Variants in SULF1 observed in about 807,000 individuals in gnomAD.
SULF1 encodes the protein extracellular sulfatase Sulf-1.
A neutral mutation model predicts 110.5 loss-of-function variants in SULF1; 46 were observed. The ratio of observed to expected loss-of-function variants is 0.42; its 90% CI spans 0.33 to 0.53. The LOEUF (loss-of-function observed/expected upper bound fraction) is 0.53. SULF1 is among the 20% of genes least tolerant of loss of function. The pLI is 0.12. For missense variants in SULF1, 941 were observed against 1,094.2 expected (o/e 0.86, Z 1.98); for synonymous variants, 371 against 387.1 (o/e 0.96, Z 0.49).
intron 9 of SULF1, among the ~76,000 whole-genome samples, chr8:69,601,175 A>G (rs1293375798): frequency 6.6e-6 from 1 of 152,230 alleles, no homozygotes; most frequent in Non-Finnish European, 1.5e-5. Context: ...TTTTTTAAAG[A>G]AGCCAGAAAC....
chr8:69,631,548 G>A (rs764029096), intron 19 of SULF1, among the ~76,000 whole-genome samples: 22 of 152,316 alleles, frequency 1.4e-4, no homozygotes, highest in Non-Finnish European at 2.4e-4. Context: ...AGAGTGAGAC[G>A]CTGTCTCAAA....
At chr8:69,565,245 G>C (rs1300098267) in intron 5 of SULF1, among the ~76,000 whole-genome samples, 2 of 151,740 alleles carry the variant, frequency 1.3e-5, no homozygotes, top group South Asian at 4.1e-4. Flanking sequence ...TTTTAACAAG[G>C]GTATTGATTT....
Position 69,624,339 on chromosome 8 carries a change from G to C in SULF1, c.1850+142G>C, listed in dbSNP as rs972532851. ...GAGGGCTGGCCTATGTAGCAACTGG[G>C]GGTTAAAGAAACAATGAGTCCACGC... On this transcript the variant is annotated intron_variant, in intron 15 of 22. Transcript: ENST00000402687. The C allele has an allele frequency of 3.6e-6, 4 of 1,124,296 alleles. No individual in the cohort carries two copies. In the African/African-American group the frequency reaches 4.7e-5, roughly 13 times the overall value. The allele number at this position is 1,124,296 out of a possible 1,614,324, so 69.6% of individuals were successfully genotyped here.
At position 69,582,335 on chromosome 8, in the gene SULF1, T is replaced by G. The variant is rs368881242; in HGVS notation, c.413-4022T>G. Reference sequence around the variant, plus strand: ...CAAGTGCAGAACTCTAGTGCGAGATTTCCTTACACTGCAGGATGGAAAATC... The same window carrying G: ...CAAGTGCAGAACTCTAGTGCGAGATGTCCTTACACTGCAGGATGGAAAATC... On this transcript the variant is annotated intron_variant, in intron 6 of 22. Coordinates refer to ENST00000402687, the MANE Select transcript of SULF1 (RefSeq NM_001128205.2). 2.2e-4 allele frequency among the ~76,000 whole-genome samples: 34 copies of G among 152,324 alleles called. No individual in the cohort carries two copies. The East Asian group carries it at 4.4e-3, about 20-fold the overall frequency.
chr8:69,558,263 G>A (rs1162659630), intron 3 of SULF1, among the ~76,000 whole-genome samples: 4 of 152,212 alleles, frequency 2.6e-5, no homozygotes, highest in Admixed American at 6.5e-5. Flanking sequence ...CTTCTTGCTG[G>A]TGTAATTCTA....
rs542122115 is a variant in SULF1, at chr8:69,527,233, C to T, written c.-134+25265C>T. ...GATTCAGAGCTTCATTTTAACGGTT[C>T]GTAACCATATTATCAATCTGTAAAC... On this transcript the variant is annotated intron_variant, in intron 3 of 22. Transcript: ENST00000402687. Among the ~76,000 whole-genome samples the T allele has an allele frequency of 1.5e-4, 23 of 151,946 alleles. No individual in the cohort carries two copies. The South Asian group carries it at 4.8e-3, about 32-fold the overall frequency.
At chr8:69,482,400 G>T (rs1325878797) in intron 1 of SULF1, among the ~76,000 whole-genome samples, 1 of 152,070 alleles carries the variant, frequency 6.6e-6, no homozygotes, top group African/African-American at 2.4e-5. Context: ...CAACCTTATG[G>T]ATCATGCCAC....
At chr8:69,502,680 C>CTTTCTTTTTCT (rs1810890406) in intron 3 of SULF1, among the ~76,000 whole-genome samples, 5 of 116,456 alleles carry the variant, frequency 4.3e-5, no homozygotes, top group African/African-American at 6.8e-5. Flanking sequence ...TTTTCTTTTT[C>CTTTCTTTTTCT]TTTTTTTTTC....
At chr8:69,548,552 A>G (rs1814450683) in intron 3 of SULF1, among the ~76,000 whole-genome samples, 1 of 150,850 alleles carries the variant, frequency 6.6e-6, no homozygotes, top group African/African-American at 2.4e-5. Flanking sequence ...GGTTCAAACA[A>G]TCCTCCCACC....
intron 22 of SULF1, among the ~76,000 whole-genome samples, chr8:69,647,218 C>A (rs531615282): frequency 3.0e-4 from 45 of 151,696 alleles, no homozygotes; most frequent in African/African-American, 1.1e-3. Context: ...GCTGAGATTA[C>A]AGGTATGAGC....
chr8:69,585,298 C>G (rs1328451855), intron 6 of SULF1, among the ~76,000 whole-genome samples: 1 of 152,118 alleles, frequency 6.6e-6, no homozygotes, highest in Non-Finnish European at 1.5e-5. Context: ...TTTAGGTTTA[C>G]CCAGAATCAT....
intron 5 of SULF1, among the ~76,000 whole-genome samples, chr8:69,567,601 G>A (rs1815986181): frequency 1.3e-5 from 2 of 152,040 alleles, no homozygotes; most frequent in Non-Finnish European, 2.9e-5. Flanking sequence ...ATCTTTTTAT[G>A]ACTGGCTTAT....
intron 22 of SULF1, among the ~76,000 whole-genome samples, chr8:69,644,591 C>T (rs368655447): frequency 6.6e-6 from 1 of 151,434 alleles, no homozygotes; most frequent in African/African-American, 2.4e-5. Flanking sequence ...CTGGCTAACA[C>T]GGTGAAACCC....
intron 18 of SULF1, 64 bp from the exon 19 acceptor site, chr8:69,629,440 A>G: frequency 1.3e-6 from 2 of 1,504,162 alleles, no homozygotes; most frequent in Admixed American, 4.3e-5. Flanking sequence ...TCACAGCAAC[A>G]AGCCTATTTG....
At chr8:69,502,632 T>A (rs978853603) in intron 3 of SULF1, among the ~76,000 whole-genome samples, 7 of 152,014 alleles carry the variant, frequency 4.6e-5, no homozygotes, top group Admixed American at 6.5e-5. Flanking sequence ...CATTAGTCAC[T>A]CTTCAGAATC....
chr8:69,573,503 C>A (rs1368993412), intron 5 of SULF1, among the ~76,000 whole-genome samples: 1 of 152,158 alleles, frequency 6.6e-6, no homozygotes, highest in African/African-American at 2.4e-5. Context: ...CTGCATTTTT[C>A]TTTTATTTGA....
intron 3 of SULF1, among the ~76,000 whole-genome samples, chr8:69,551,487 G>A (rs1219419005): frequency 6.6e-6 from 1 of 152,202 alleles, no homozygotes; most frequent in Non-Finnish European, 1.5e-5. Flanking sequence ...AACTCCTTCA[G>A]TTGTTGATGC....
At chr8:69,589,176 C>T (rs1282070172) in intron 8 of SULF1, 35 bp downstream of exon 8, 3 of 1,594,660 alleles carry the variant, frequency 1.9e-6, no homozygotes, top group Admixed American at 1.7e-5. Context: ...ACCTGCCGAA[C>T]ATGCCTTTCC....
At chr8:69,638,945 C>T in intron 21 of SULF1, 87 bp downstream of exon 21, 5 of 1,295,514 alleles carry the variant, frequency 3.9e-6, no homozygotes, top group Non-Finnish European at 5.3e-6. Context: ...TTTAATTGCA[C>T]AGAAACATAT....
Sources: allele counts gnomAD v4.1 joint callset (sites outside exome capture counted in the v4.1 genomes callset), GRCh38; gene constraint gnomAD v4.1.1; transcripts MANE v1.5; gene names NCBI Gene and HGNC (gene_info 2026-07-23, HGNC 2026-07-21).